Variants in KLHL32 observed in about 807,000 individuals in gnomAD.
KLHL32 encodes the protein kelch like family member 32, also known as kelch-like protein 32.
A neutral mutation model predicts 64.8 loss-of-function variants in KLHL32; 35 were observed. The ratio of observed to expected loss-of-function variants is 0.54; its 90% CI spans 0.41 to 0.72. The LOEUF (loss-of-function observed/expected upper bound fraction) is 0.72, where lower values mean the gene tolerates loss of function less well. Among genes scored for constraint, KLHL32 ranks in the 30% least tolerant of loss-of-function variants. KLHL32 has a pLI of 0.00. For missense variants in KLHL32, 589 were observed against 768.5 expected (o/e 0.77, Z 2.76); for synonymous variants, 259 against 281.0 (o/e 0.92, Z 0.78).
chr6:96,948,425 A>G (rs1772174959), intron 1 of KLHL32, among the ~76,000 whole-genome samples: 1 of 152,092 alleles, frequency 6.6e-6, no homozygotes, highest in Admixed American at 6.6e-5. Context: ...TTCAACCAAG[A>G]CATCAGATGA....
At chr6:97,057,037 ATAT>A (rs1435475731) in intron 4 of KLHL32, among the ~76,000 whole-genome samples, 2 of 152,206 alleles carry the variant, frequency 1.3e-5, no homozygotes, top group East Asian at 3.8e-4. Flanking sequence ...GTATCACAAC[ATAT>A]TATTCATCTT....
chr6:97,111,363 G>A (rs1018104114), intron 6 of KLHL32, among the ~76,000 whole-genome samples: 1 of 152,242 alleles, frequency 6.6e-6, no homozygotes, highest in African/African-American at 2.4e-5. Context: ...TCCTGGGCGG[G>A]CCTCCAGATT....
At chr6:96,910,525 A>G in the KLHL32 span, among the ~76,000 whole-genome samples, 1 of 152,222 alleles carries the variant, frequency 6.6e-6, no homozygotes, top group Non-Finnish European at 1.5e-5. Flanking sequence ...TTGCCTCCAC[A>G]TATCTACAGC....
At chr6:97,121,764 G>A (rs1028372694) in intron 7 of KLHL32, among the ~76,000 whole-genome samples, 3 of 152,124 alleles carry the variant, frequency 2.0e-5, no homozygotes, top group Non-Finnish European at 4.4e-5. Context: ...TAAACTAAAT[G>A]GTGAGCTGTA....
chr6:96,998,966 TGAA>T (rs1778708021), intron 3 of KLHL32, among the ~76,000 whole-genome samples: 1 of 152,202 alleles, frequency 6.6e-6, no homozygotes, highest in Non-Finnish European at 1.5e-5. Flanking sequence ...AGTTAGAAAT[TGAA>T]GAATATGGCT....
At chr6:97,027,571 G>T (rs1379850684) in intron 3 of KLHL32, among the ~76,000 whole-genome samples, 1 of 129,688 alleles carries the variant, frequency 7.7e-6, no homozygotes, top group African/African-American at 3.4e-5. Context: ...CAAAATAATT[G>T]GGGGAAAAGG....
At chr6:97,138,005 T>C (rs1800232780) in intron 10 of KLHL32, among the ~76,000 whole-genome samples, 1 of 152,210 alleles carries the variant, frequency 6.6e-6, no homozygotes, top group Non-Finnish European at 1.5e-5. Flanking sequence ...AATATGATAA[T>C]GTCAATGACA....
chr6:97,001,725 AAC>A (rs1424933207), intron 3 of KLHL32, among the ~76,000 whole-genome samples: 3 of 152,236 alleles, frequency 2.0e-5, no homozygotes, highest in Admixed American at 2.0e-4. Context: ...TCCTTTGAAG[AAC>A]AGATAATAGT....
chr6:97,099,492 A>G (rs1326068688), intron 6 of KLHL32, among the ~76,000 whole-genome samples: 1 of 152,224 alleles, frequency 6.6e-6, no homozygotes, highest in African/African-American at 2.4e-5. Context: ...GTGAGGCTGC[A>G]ATACAGTCTT....
At chr6:96,914,765 A>G in the KLHL32 span, 2 of 151,880 alleles carry the variant, frequency 1.3e-5, no homozygotes, top group African/African-American at 2.4e-5. Flanking sequence ...CAATCCCACA[A>G]CTGATCATCA....
chr6:97,097,801 C>A (rs1239081913), intron 6 of KLHL32, among the ~76,000 whole-genome samples: 1 of 152,182 alleles, frequency 6.6e-6, no homozygotes, highest in Non-Finnish European at 1.5e-5. Context: ...GTATAAACGA[C>A]AGGGATACTT....
chr6:97,132,533 A>C, intron 9 of KLHL32, 120 bp from the exon 10 acceptor site: 2 of 688,664 alleles, frequency 2.9e-6, no homozygotes, highest in Non-Finnish European at 5.0e-6. Flanking sequence ...TGCTGCAAAA[A>C]TCCCATGGAG....
At chr6:96,991,436 A>C (rs536729573) in intron 3 of KLHL32, among the ~76,000 whole-genome samples, 1 of 152,112 alleles carries the variant, frequency 6.6e-6, no homozygotes, top group African/African-American at 2.4e-5. Context: ...TTCCTTCCCC[A>C]ATGCAGTAAG....
intron 3 of KLHL32, among the ~76,000 whole-genome samples, chr6:97,009,531 G>T (rs188595701): frequency 1.3e-3 from 193 of 152,256 alleles, no homozygotes; most frequent in African/African-American, 4.4e-3. Flanking sequence ...TTGGAAAGTT[G>T]TGTATGGACT....
chr6:97,134,419 C>CA (rs1799773422), intron 10 of KLHL32, among the ~76,000 whole-genome samples: 1 of 152,174 alleles, frequency 6.6e-6, no homozygotes, highest in Non-Finnish European at 1.5e-5. Flanking sequence ...ACTTTTCTCT[C>CA]AAAGAGTGCT....
chr6:97,049,385 G>A (rs570927808), intron 4 of KLHL32, among the ~76,000 whole-genome samples: 69 of 152,302 alleles, frequency 4.5e-4, no homozygotes, highest in African/African-American at 1.6e-3. Context: ...CATCTACAAT[G>A]AGGATATGCT....
chr6:97,018,698 A>G (rs768733954), intron 3 of KLHL32, among the ~76,000 whole-genome samples: 5 of 152,212 alleles, frequency 3.3e-5, no homozygotes, highest in Admixed American at 6.5e-5. Flanking sequence ...ATGTGTAACA[A>G]TATTAATATG....
chr6:96,960,620 G>A (rs1773784329), intron 1 of KLHL32, among the ~76,000 whole-genome samples: 1 of 152,156 alleles, frequency 6.6e-6, no homozygotes, highest in Admixed American at 6.5e-5. Context: ...AAAATATTTT[G>A]AAGGGATTTA....
At chr6:96,923,229 A>T (rs1319076125), upstream of KLHL32, among the ~76,000 whole-genome samples, 1 of 152,234 alleles carries the variant, frequency 6.6e-6, no homozygotes, top group Non-Finnish European at 1.5e-5. Context: ...TAAAATTTTA[A>T]GTATTCTCAC....
Sources: allele counts gnomAD v4.1 joint callset (sites outside exome capture counted in the v4.1 genomes callset), GRCh38; gene constraint gnomAD v4.1.1; transcripts MANE v1.5; gene names NCBI Gene and HGNC (gene_info 2026-07-23, HGNC 2026-07-21).